MYOM2: variants seen among roughly 807,000 people sequenced by gnomAD.
MYOM2 encodes myomesin-2.
MYOM2 carries 254 observed loss-of-function variants against 187.6 expected under a neutral mutation model. The observed-to-expected ratio is 1.35, with a 90% CI of 1.22 to 1.50. The LOEUF (loss-of-function observed/expected upper bound fraction) is 1.50. Ranked by LOEUF, MYOM2 falls within the 40% of genes most tolerant of loss-of-function variation. The probability of loss-of-function intolerance (pLI) is 0.00; values close to 1 mark genes in which losing one functional copy is unlikely to be tolerated. For synonymous variants in MYOM2, 981 were observed against 753.8 expected, an observed-to-expected ratio of 1.30 and a Z score of -4.94; for missense variants, 2,796 against 1,924.0, an observed-to-expected ratio of 1.45 and a Z score of -8.48.
chr8:2,138,185 C>G (rs77010414), intron 32 of MYOM2, among the ~76,000 whole-genome samples: 1 of 152,194 alleles, frequency 6.6e-6, no homozygotes, highest in East Asian at 1.9e-4. Flanking sequence ...CGGATGGAGA[C>G]TCTGGCAAGT....
chr8:2,069,586 C>CTTT, intron 8 of MYOM2, 89 bp downstream of exon 8: 20 of 1,201,216 alleles, frequency 1.7e-5, no homozygotes, highest in Middle Eastern at 2.5e-4. Context: ...AGGGCCAAAT[C>CTTT]TTTTTTTTTT....
intron 32 of MYOM2, among the ~76,000 whole-genome samples, chr8:2,133,076 G>A (rs1797932540): frequency 6.6e-6 from 1 of 152,264 alleles, no homozygotes; most frequent in Admixed American, 6.5e-5. Context: ...GGAGCTCCAG[G>A]TATGTGCAGT....
chr8:2,059,109 A>AC (rs1818767931), intron 5 of MYOM2, 44 bp from the exon 6 acceptor site: 4 of 1,562,410 alleles, frequency 2.6e-6, no homozygotes, highest in Non-Finnish European at 3.5e-6. Flanking sequence ...CACACACAAA[A>AC]TACAACTCTG....
intron 32 of MYOM2, among the ~76,000 whole-genome samples, chr8:2,132,210 C>T (rs1182227932): frequency 1.3e-5 from 2 of 151,810 alleles, no homozygotes; most frequent in African/African-American, 4.9e-5. Context: ...AGTGGAGCTG[C>T]CAAAGACTGG....
chr8:2,117,142 ACAT>A (rs59014069), intron 27 of MYOM2, among the ~76,000 whole-genome samples: 13,813 of 152,090 alleles, frequency 0.091, 795 homozygotes, highest in South Asian at 0.2. Flanking sequence ...TAAAATCAAA[ACAT>A]TCATTTTTAT....
intron 31 of MYOM2, 123 bp downstream of exon 31, chr8:2,124,340 C>G: frequency 2.1e-6 from 2 of 961,212 alleles, no homozygotes; most frequent in East Asian, 2.7e-5. Flanking sequence ...TGTGGGAGGC[C>G]CTGGATGGAA....
intron 36 of MYOM2, 150 bp downstream of exon 36, chr8:2,143,606 T>C: frequency 1.1e-6 from 1 of 900,278 alleles, no homozygotes; most frequent in Non-Finnish European, 1.8e-6. Context: ...CCCACTTTTC[T>C]GCCCCTCCTA....
intron 31 of MYOM2, among the ~76,000 whole-genome samples, chr8:2,125,175 A>G (rs73169428): frequency 0.047 from 7,210 of 152,296 alleles, 224 homozygotes; most frequent in Middle Eastern, 0.085. Flanking sequence ...TCCATGCTGC[A>G]AAGCATCTCC....
rs777565091 is a variant in MYOM2 at position 2,144,840 on chromosome 8, C to T, written c.4257C>T (p.Asn1419=). 1.2e-6 allele frequency: 2 copies of T among 1,614,170 alleles called. No individual in the cohort carries two copies. Among genetic ancestry groups the T allele is most frequent in the East Asian group, 2.2e-5 (1 of 44,838 alleles). Residue 1419 remains asparagine (N), a synonymous_variant, in exon 37 of 37, where the codon AAC becomes AAT. Coordinates refer to ENST00000262113, the MANE Select transcript of MYOM2 (RefSeq NM_003970.4). The part of the protein sequence containing the change: ...TSEDSGKYSI[N]IKNKYGGEKI... ...AGGACTCGGGCAAGTACAGCATCAACATCAAGAATAAGTATGGCGGGGAGA... is the reference window on the plus strand; with the variant it reads ...AGGACTCGGGCAAGTACAGCATCAATATCAAGAATAAGTATGGCGGGGAGA...
chr8:2,057,998 G>GTTTTTTTTTTT (rs572901199), intron 5 of MYOM2, among the ~76,000 whole-genome samples: 7 of 80,716 alleles, frequency 8.7e-5, no homozygotes, highest in African/African-American at 1.4e-4. Context: ...TTTTCAGAGG[G>GTTTTTTTTTTT]TTTTTTTTTT....
chr8:2,076,023 A>G, intron 10 of MYOM2, 118 bp from the exon 11 acceptor site: 1 of 956,936 alleles, frequency 1.0e-6, no homozygotes, highest in South Asian at 2.0e-5. Context: ...GAACATGAGA[A>G]TTAAACAGTG....
intron 36 of MYOM2, among the ~76,000 whole-genome samples, chr8:2,144,056 A>G (rs1798371343): frequency 6.6e-6 from 1 of 152,242 alleles, no homozygotes; most frequent in African/African-American, 2.4e-5. Flanking sequence ...ATACTTGAGA[A>G]AATTTTATTA....
At chr8:2,137,048 A>T (rs1306193047) in intron 32 of MYOM2, among the ~76,000 whole-genome samples, 1 of 151,786 alleles carries the variant, frequency 6.6e-6, no homozygotes, top group Non-Finnish European at 1.5e-5. Flanking sequence ...CCCACGGAAG[A>T]ATTTCTAGTC....
chr8:2,049,748 A>C (rs371917095), intron 1 of MYOM2, among the ~76,000 whole-genome samples: 12 of 152,336 alleles, frequency 7.9e-5, no homozygotes, highest in African/African-American at 2.4e-4. Context: ...TACGGTCCCT[A>C]CGTAACTTTG....
chr8:2,133,571 C>G (rs1431394236), intron 32 of MYOM2, among the ~76,000 whole-genome samples: 1 of 152,214 alleles, frequency 6.6e-6, no homozygotes, highest in Non-Finnish European at 1.5e-5. Flanking sequence ...AGTGATTCTC[C>G]CACCTCAGCC....
intron 14 of MYOM2, 57 bp downstream of exon 14, chr8:2,085,447 A>ACCACTGTCG (rs1819788914): frequency 7.5e-7 from 1 of 1,341,348 alleles, no homozygotes; most frequent in African/African-American, 2.3e-5. Flanking sequence ...CCCCACTGTC[A>ACCACTGTCG]TGATCTCTGC....
At chr8:2,120,625 A>G (rs1360916501) in intron 28 of MYOM2, among the ~76,000 whole-genome samples, 1 of 85,282 alleles carries the variant, frequency 1.2e-5, no homozygotes, top group Non-Finnish European at 2.5e-5. Flanking sequence ...GACCATCCTC[A>G]GTATTGGTAA....
At chr8:2,052,044 T>TGC in intron 2 of MYOM2, 114 bp from the exon 3 acceptor site, 8 of 1,293,376 alleles carry the variant, frequency 6.2e-6, no homozygotes, top group Non-Finnish European at 8.7e-6. Flanking sequence ...TGTTTGTGTG[T>TGC]GCTCTGCATA....
intron 13 of MYOM2, 147 bp from the exon 14 acceptor site, chr8:2,085,114 GGA>G (rs1819764514): frequency 2.3e-6 from 2 of 870,032 alleles, no homozygotes. Flanking sequence ...CTGGTTCCAA[GGA>G]AGCATCTTTG....
Sources: gnomAD v4.1 joint callset for allele counts (sites outside exome capture counted in the v4.1 genomes callset) on GRCh38, gnomAD v4.1.1 for gene constraint, MANE v1.5 for transcripts, NCBI Gene and HGNC (gene_info 2026-07-23, HGNC 2026-07-21) for gene names.